PTCD2: variants seen among roughly 807,000 people sequenced by gnomAD.
PTCD2 encodes pentatricopeptide repeat domain 2.
A neutral mutation model predicts 42.6 loss-of-function variants in PTCD2; 31 were observed. That is an observed-to-expected ratio of 0.73 (90% CI 0.55 to 0.98). The LOEUF is 0.98. Ranked by LOEUF, PTCD2 falls within the 50% of genes least tolerant of loss-of-function variation. PTCD2 has a pLI of 0.00. For synonymous variants in PTCD2, 183 were observed against 170.9 expected (o/e 1.07, Z -0.55); for missense variants, 476 against 454.8 (o/e 1.05, Z -0.42).
chr5:72,326,669 G>C lies in PTCD2; in HGVS notation c.278G>C (p.Gly93Ala). ...KLTQNKLILK[G>A]ELITLLHLCE... ...ACCCAGAACAAGCTCATCTTGAAGG[G>C]GGAGTTGATAACCTTACTACATTTG... Residue 93 changes from glycine (G) to alanine (A), a missense_variant, in exon 3 of 10, where the codon GGG (glycine) becomes GCG (alanine). Gly to Ala is a moderately conservative substitution (Grantham distance 60). Coordinates refer to ENST00000380639, the MANE Select transcript of PTCD2 (RefSeq NM_024754.5). The C allele has an allele frequency of 6.2e-7, 1 of 1,614,056 alleles. No individual in the cohort carries two copies. The highest frequency in any genetic ancestry group is 8.5e-7 in the Non-Finnish European group (1 of 1,179,924).
At chr5:72,323,793 C>A (rs892672755) in intron 2 of PTCD2, among the ~76,000 whole-genome samples, 1 of 152,138 alleles carries the variant, frequency 6.6e-6, no homozygotes. Flanking sequence ...GACTACAGTG[C>A]CACCATACCG....
intron 4 of PTCD2, among the ~76,000 whole-genome samples, chr5:72,332,582 C>T (rs976950436): frequency 1.3e-5 from 2 of 151,880 alleles, no homozygotes; most frequent in African/African-American, 2.4e-5. Flanking sequence ...AAAAGCTTCC[C>T]ACTGTAATAA....
intron 3 of PTCD2, among the ~76,000 whole-genome samples, chr5:72,330,090 G>A (rs1282036253): frequency 6.6e-6 from 1 of 151,110 alleles, no homozygotes; most frequent in East Asian, 1.9e-4. Context: ...CCGCCACCAC[G>A]CCCGGCTAAT....
intron 1 of PTCD2, 142 bp from the exon 2 acceptor site, chr5:72,322,030 G>C: frequency 1.9e-6 from 1 of 516,622 alleles, no homozygotes; most frequent in Non-Finnish European, 3.5e-6. Flanking sequence ...ATTTATATTT[G>C]TACAGTTTGT....
intron 2 of PTCD2, among the ~76,000 whole-genome samples, chr5:72,323,561 C>A (rs373653870): frequency 6.6e-6 from 1 of 151,900 alleles, no homozygotes; most frequent in Admixed American, 6.6e-5. Flanking sequence ...CTTGGTGTCC[C>A]TACTGACTTT....
chr5:72,343,811 G>A (rs1752206136), intron 8 of PTCD2, among the ~76,000 whole-genome samples: 1 of 150,534 alleles, frequency 6.6e-6, no homozygotes, highest in Non-Finnish European at 1.5e-5. Context: ...ATAAAAGACT[G>A]TCTTGTTATT....
At chr5:72,343,143 T>C (rs1236337433) in intron 8 of PTCD2, 107 bp downstream of exon 8, 1 of 471,532 alleles carries the variant, frequency 2.1e-6, no homozygotes, top group African/African-American at 2.0e-5. Flanking sequence ...TGACTTGCTC[T>C]CCCAAGGTTT....
At chr5:72,356,182 T>A (rs149828004) in intron 9 of PTCD2, among the ~76,000 whole-genome samples, 2 of 152,368 alleles carry the variant, frequency 1.3e-5, no homozygotes, top group East Asian at 3.8e-4. Context: ...TGTGTATGTG[T>A]ACATGTGAAA....
At chr5:72,327,342 G>T (rs771772316) in intron 3 of PTCD2, among the ~76,000 whole-genome samples, 1 of 152,150 alleles carries the variant, frequency 6.6e-6, no homozygotes, top group African/African-American at 2.4e-5. Context: ...GAAAGAACTC[G>T]CATGTAAGCA....
chr5:72,354,688 CA>C (rs1431053906), intron 9 of PTCD2, among the ~76,000 whole-genome samples: 2 of 152,198 alleles, frequency 1.3e-5, no homozygotes, highest in Non-Finnish European at 2.9e-5. Context: ...TGGTACACTA[CA>C]AATACTTTCA....
At chr5:72,322,444 A>T (rs532961724) in intron 2 of PTCD2, among the ~76,000 whole-genome samples, 180 bp downstream of exon 2, 1 of 152,352 alleles carries the variant, frequency 6.6e-6, no homozygotes, top group African/African-American at 2.4e-5. Flanking sequence ...TTGCTGCTAC[A>T]ACGTCTACAG....
chr5:72,328,709 A>G (rs1302424489), intron 3 of PTCD2, among the ~76,000 whole-genome samples: 1 of 152,182 alleles, frequency 6.6e-6, no homozygotes, highest in African/African-American at 2.4e-5. Flanking sequence ...TATTTTCTAA[A>G]TATAAATATT....
intron 8 of PTCD2, among the ~76,000 whole-genome samples, chr5:72,350,449 C>A (rs778338055): frequency 1.6e-4 from 24 of 152,180 alleles, no homozygotes; most frequent in Non-Finnish European, 2.6e-4. Context: ...AAACCCAAAT[C>A]TCTTATAATG....
Position 72,366,383 on chromosome 5 carries a change from A to G in PTCD2, c.*7956A>G, listed in dbSNP as rs1049445321. The G allele has an allele frequency of 2.6e-5, 4 of 152,212 alleles. No homozygotes were observed. The highest frequency in any genetic ancestry group is 1.3e-4 in the Admixed American group (2 of 15,272). 9.4% of individuals were successfully genotyped at this position (152,212 alleles called of 1,614,324 possible). A position where few individuals can be genotyped will look rare whatever the true frequency, so the allele number is the denominator to read the frequency against. On this transcript the variant is annotated 3_prime_UTR_variant, in exon 10 of 10. Coordinates refer to ENST00000380639, the MANE Select transcript of PTCD2 (RefSeq NM_024754.5). ...TGCTTGCCTGTGGATATAACACTAGAGAGCGGGAGAGCACAGTATTTGAAC... is the reference window on the plus strand; with the variant it reads ...TGCTTGCCTGTGGATATAACACTAGGGAGCGGGAGAGCACAGTATTTGAAC...
chr5:72,335,168 G>T, intron 5 of PTCD2, 72 bp downstream of exon 5: 1 of 845,712 alleles, frequency 1.2e-6, no homozygotes, highest in East Asian at 2.6e-5. Flanking sequence ...GGGGAAAAAT[G>T]AGTCATGCAA....
At chr5:72,355,616 A>G (rs1012462802) in intron 9 of PTCD2, among the ~76,000 whole-genome samples, 19 of 152,324 alleles carry the variant, frequency 1.2e-4, no homozygotes, top group African/African-American at 3.8e-4. Context: ...AAATGAAACA[A>G]ATGAACCCAT....
chr5:72,323,512 A>G (rs941512560), intron 2 of PTCD2, among the ~76,000 whole-genome samples: 1 of 151,442 alleles, frequency 6.6e-6, no homozygotes, highest in Non-Finnish European at 1.5e-5. Flanking sequence ...ATCCTCCTTT[A>G]TGAACACATC....
chr5:72,344,026 A>C (rs1752219898), intron 8 of PTCD2, among the ~76,000 whole-genome samples: 1 of 152,254 alleles, frequency 6.6e-6, no homozygotes, highest in Non-Finnish European at 1.5e-5. Context: ...AAAACAAGTC[A>C]CAATCAATGG....
chr5:72,342,179 GCA>G (rs1177226860), intron 7 of PTCD2, among the ~76,000 whole-genome samples: 1 of 152,216 alleles, frequency 6.6e-6, no homozygotes, highest in Non-Finnish European at 1.5e-5. Flanking sequence ...GGACACCAGA[GCA>G]CTGTTCTAGA....
Sources: gnomAD v4.1 joint callset for allele counts (sites outside exome capture counted in the v4.1 genomes callset) on GRCh38, gnomAD v4.1.1 for gene constraint, MANE v1.5 for transcripts, NCBI Gene and HGNC (gene_info 2026-07-23, HGNC 2026-07-21) for gene names.